The following SHISA6 variants were observed in gnomAD, a reference collection of about 807,000 sequenced individuals.
The protein encoded by SHISA6 is protein shisa-6.
In SHISA6, 22 loss-of-function variants were observed where a neutral mutation model predicts 47.9. The observed-to-expected ratio is 0.46, with a 90% CI of 0.33 to 0.66. SHISA6 has a LOEUF of 0.66. SHISA6 is among the 30% of genes least tolerant of loss of function. The pLI, the probability that SHISA6 is intolerant of heterozygous loss-of-function variation, is 0.02. For synonymous variants in SHISA6, 388 were observed against 337.8 expected, an observed-to-expected ratio of 1.15 and a Z score of -1.63; for missense variants, 680 against 764.6, an observed-to-expected ratio of 0.89 and a Z score of 1.30.
chr17:11,486,235 G>A (rs1426187262), intron 3 of SHISA6, among the ~76,000 whole-genome samples: 1 of 152,156 alleles, frequency 6.6e-6, no homozygotes, highest in Non-Finnish European at 1.5e-5. Context: ...GAAAGAGTTG[G>A]GGCCTTGGGG....
chr17:11,407,638 C>T (rs566010920), intron 3 of SHISA6, among the ~76,000 whole-genome samples: 7 of 152,038 alleles, frequency 4.6e-5, no homozygotes, highest in Non-Finnish European at 1.0e-4. Context: ...TTGTGTTCCT[C>T]GAGTTTTGCT....
chr17:11,516,339 T>C (rs972658179), intron 3 of SHISA6, among the ~76,000 whole-genome samples: 9 of 152,176 alleles, frequency 5.9e-5, no homozygotes, highest in Non-Finnish European at 1.0e-4. Flanking sequence ...AGATCTTCCA[T>C]TGAAAACACT....
At chr17:11,531,427 C>CT (rs2071732359) in intron 3 of SHISA6, among the ~76,000 whole-genome samples, 1 of 152,054 alleles carries the variant, frequency 6.6e-6, no homozygotes, top group African/African-American at 2.4e-5. Flanking sequence ...TACTGATAAA[C>CT]AAAGAAACAG....
chr17:11,442,944 G>A (rs146936049), intron 3 of SHISA6, among the ~76,000 whole-genome samples: 84 of 152,330 alleles, frequency 5.5e-4, no homozygotes, highest in Middle Eastern at 6.8e-3. Context: ...GGCAAGGAGG[G>A]AAATGAAATA....
At chr17:11,424,517 A>G (rs904802305) in intron 3 of SHISA6, among the ~76,000 whole-genome samples, 1 of 152,162 alleles carries the variant, frequency 6.6e-6, no homozygotes, top group Admixed American at 6.5e-5. Flanking sequence ...GCAACAGGAT[A>G]TGTACAATAC....
At chr17:11,545,231 T>C (rs1256598359) in intron 3 of SHISA6, among the ~76,000 whole-genome samples, 2 of 151,604 alleles carry the variant, frequency 1.3e-5, no homozygotes, top group Non-Finnish European at 2.9e-5. Context: ...ACCATTTACA[T>C]ATGCAACAAC....
At chr17:11,482,813 G>A (rs921832047) in intron 3 of SHISA6, among the ~76,000 whole-genome samples, 1 of 152,112 alleles carries the variant, frequency 6.6e-6, no homozygotes, top group African/African-American at 2.4e-5. Context: ...CCTCCTGTAT[G>A]TAAATAAGTC....
chr17:11,522,248 A>C (rs1457107878), intron 3 of SHISA6, among the ~76,000 whole-genome samples: 1 of 151,738 alleles, frequency 6.6e-6, no homozygotes, highest in East Asian at 2.0e-4. Flanking sequence ...TACAGGCGTG[A>C]GTCACCATGC....
intron 3 of SHISA6, among the ~76,000 whole-genome samples, chr17:11,413,744 A>T (rs8077318): frequency 0.029 from 4,379 of 152,156 alleles, 92 homozygotes; most frequent in East Asian, 0.061. Context: ...GGGCAGAGCC[A>T]TGTTCCGCTT....
intron 3 of SHISA6, among the ~76,000 whole-genome samples, chr17:11,418,254 A>C (rs920699118): frequency 4.6e-5 from 7 of 152,120 alleles, no homozygotes; most frequent in African/African-American, 1.7e-4. Context: ...CATTTGTCCC[A>C]TCTCTACTTG....
In SHISA6 at chr17:11,412,212, A is replaced by G. The variant is rs1914142572; in HGVS notation, c.895+32703A>G. On this transcript the variant is annotated intron_variant, in intron 3 of 5. Coordinates refer to ENST00000441885, the MANE Select transcript of SHISA6 (RefSeq NM_207386.4). ...CTGAACTTTAATTTTTTCATCTTTA[A>G]TATGAAGAAAATAATACCAACTAGG... Among the ~76,000 whole-genome samples the G allele has an allele frequency of 2.6e-5, 4 of 152,172 alleles. No individual in the cohort carries two copies. The South Asian group carries it at 8.3e-4, about 31-fold the overall frequency.
intron 2 of SHISA6, among the ~76,000 whole-genome samples, chr17:11,300,038 G>A (rs1352002713): frequency 6.6e-6 from 1 of 151,654 alleles, no homozygotes; most frequent in Non-Finnish European, 1.5e-5. Flanking sequence ...CCAGCTACTT[G>A]GGAGGCTGAG....
At chr17:11,486,323 C>G (rs981304003) in intron 3 of SHISA6, among the ~76,000 whole-genome samples, 3 of 152,232 alleles carry the variant, frequency 2.0e-5, no homozygotes, top group African/African-American at 7.2e-5. Context: ...ACACTTAACA[C>G]ATTGTACTGT....
chr17:11,491,678 T>C (rs1353832203), intron 3 of SHISA6, among the ~76,000 whole-genome samples: 1 of 151,970 alleles, frequency 6.6e-6, no homozygotes, highest in African/African-American at 2.4e-5. Context: ...GAAGAGCCCA[T>C]TGAGGCCATA....
chr17:11,393,945 C>T (rs997154707), intron 3 of SHISA6, among the ~76,000 whole-genome samples: 4 of 152,204 alleles, frequency 2.6e-5, no homozygotes, highest in Non-Finnish European at 4.4e-5. Flanking sequence ...CCAATATACT[C>T]ATCGTCCAGG....
At chr17:11,374,205 A>G (rs1212037391) in intron 2 of SHISA6, among the ~76,000 whole-genome samples, 1 of 152,116 alleles carries the variant, frequency 6.6e-6, no homozygotes, top group Non-Finnish European at 1.5e-5. Flanking sequence ...TGAGTCGCCT[A>G]TGCATTTCTT....
At chr17:11,481,742 C>T (rs1916229748) in intron 3 of SHISA6, among the ~76,000 whole-genome samples, 1 of 151,992 alleles carries the variant, frequency 6.6e-6, no homozygotes, top group Non-Finnish European at 1.5e-5. Context: ...CCACCCACCT[C>T]AGCCTCCCAA....
In SHISA6 at chr17:11,295,780, A is replaced by G. The variant is rs1383042513; in HGVS notation, c.799+32254A>G. On this transcript the variant is annotated intron_variant, in intron 2 of 5. Transcript: ENST00000441885. Reference sequence around the variant, plus strand: ...AGATTAAGACCATCCTGGCTAACACAGTGAAACCCCGTCTCTACTAAAAAT... The same window carrying G: ...AGATTAAGACCATCCTGGCTAACACGGTGAAACCCCGTCTCTACTAAAAAT... Among the ~76,000 whole-genome samples the G allele has an allele frequency of 7.9e-5, 12 of 151,910 alleles. 1 individual carries two copies. Among genetic ancestry groups the G allele is most frequent in the African/African-American group, 1.5e-4 (6 of 41,348 alleles).
chr17:11,243,731 C>A (rs796692345), intron 1 of SHISA6, among the ~76,000 whole-genome samples: 3 of 152,350 alleles, frequency 2.0e-5, no homozygotes, highest in African/African-American at 7.2e-5. Context: ...ATCCTTACAC[C>A]TCTGCCTCAA....
Sources: gnomAD v4.1 joint callset for allele counts (sites outside exome capture counted in the v4.1 genomes callset) on GRCh38, gnomAD v4.1.1 for gene constraint, MANE v1.5 for transcripts, NCBI Gene and HGNC (gene_info 2026-07-23, HGNC 2026-07-21) for gene names.